The following FANCB variants were observed in gnomAD, a reference collection of about 807,000 sequenced individuals.
FANCB encodes FA complementation group B.
A neutral mutation model predicts 38.9 loss-of-function variants in FANCB; 5 were observed. That is an observed-to-expected ratio of 0.13 (90% confidence interval 0.07 to 0.27). The LOEUF (loss-of-function observed/expected upper bound fraction) is 0.27. FANCB is among the 10% of genes least tolerant of loss of function. FANCB has a pLI of 1.00. For missense variants in FANCB, 573 were observed against 602.7 expected, an observed-to-expected ratio of 0.95 and a Z score of 0.52; for synonymous variants, 236 against 215.4, an observed-to-expected ratio of 1.10 and a Z score of -0.84.
At chrX:14,832,545 A>G (rs1449412221), downstream of FANCB, among the ~76,000 whole-genome samples, 2 of 112,203 alleles carry the variant, frequency 1.8e-5, no homozygotes, top group South Asian at 3.7e-4. Context: ...AGTAGTAGCA[A>G]ACAGTAAAAT....
chrX:14,774,925 C>T, the FANCB span, among the ~76,000 whole-genome samples: 5 of 110,956 alleles, frequency 4.5e-5, no homozygotes, highest in South Asian at 3.8e-4. Context: ...CTCCGCCTCC[C>T]GGGTTCCTGC....
chrX:14,871,552 TA>T (rs941936588), intron 1 of FANCB, among the ~76,000 whole-genome samples: 1 of 110,720 alleles, frequency 9.0e-6, no homozygotes, highest in African/African-American at 3.3e-5. Context: ...TGAACACCAA[TA>T]GGGGAATGAG....
chrX:14,753,996 C>T, the FANCB span, among the ~76,000 whole-genome samples: 1 of 112,231 alleles, frequency 8.9e-6, no homozygotes, highest in African/African-American at 3.2e-5. Context: ...CCGCATTGCT[C>T]CAGAGAAGCC....
At chrX:14,838,855 T>C (rs2092347547), downstream of FANCB, among the ~76,000 whole-genome samples, 2 of 112,457 alleles carry the variant, frequency 1.8e-5, no homozygotes, top group South Asian at 3.6e-4. Flanking sequence ...AGCAATACTA[T>C]TGTATTTCCT....
At chrX:14,791,317 CA>C in the FANCB span, among the ~76,000 whole-genome samples, 3 of 111,352 alleles carry the variant, frequency 2.7e-5, no homozygotes, top group Non-Finnish European at 5.7e-5. Context: ...CGCATGTACA[CA>C]AGGAGAATGT....
chrX:14,722,803 A>C, the FANCB span, among the ~76,000 whole-genome samples: 1 of 111,573 alleles, frequency 9.0e-6, no homozygotes, highest in African/African-American at 3.3e-5. Context: ...AGCTGACCTA[A>C]ACCATGGCTA....
the FANCB span, among the ~76,000 whole-genome samples, chrX:14,793,413 T>C: frequency 8.9e-6 from 1 of 111,941 alleles, no homozygotes; most frequent in African/African-American, 3.2e-5. Context: ...TAGGGTTTCT[T>C]TAGGGGCAAT....
the FANCB span, among the ~76,000 whole-genome samples, chrX:14,753,025 ACAC>A: frequency 3.8e-5 from 4 of 105,880 alleles, no homozygotes; most frequent in Non-Finnish European, 5.8e-5. Flanking sequence ...ACACACACAC[ACAC>A]ATTAGTTTTT....
Position 14,843,805 on chromosome X carries a change from T to C in FANCB, c.2342A>G (p.Glu781Gly), listed in dbSNP as rs140363445. The C allele has an allele frequency of 1.1e-4, 138 of 1,209,332 alleles. No individual in the cohort carries two copies. Among genetic ancestry groups the C allele is most frequent in the Non-Finnish European group, 1.5e-4 (133 of 894,777 alleles). The change falls in exon 10 of 10, where the codon GAA becomes GGA. Residue 781 changes from glutamate to glycine, a missense_variant. Glu to Gly is a moderately conservative substitution (Grantham distance 98). Transcript: ENST00000650831. ...TTCACACCTCTGCATAAAATTGCTT[T>C]CATGTTTAGCTATGGCAGAAGAAAG... ...SSLSSAIAKH[E>G]SNFMQRCEVS...
chrX:14,794,699 G>A, the FANCB span, among the ~76,000 whole-genome samples: 1,055 of 112,090 alleles, frequency 9.4e-3, 18 homozygotes, highest in African/African-American at 0.033. Flanking sequence ...TGAAGCCTAT[G>A]CTTTTCCCTC....
At chrX:14,741,851 A>G in the FANCB span, among the ~76,000 whole-genome samples, 1 of 111,886 alleles carries the variant, frequency 8.9e-6, no homozygotes, top group Admixed American at 9.5e-5. Flanking sequence ...TTCCTGGGTT[A>G]GATTTTTTTA....
the FANCB span, among the ~76,000 whole-genome samples, chrX:14,774,902 G>A: frequency 1.8e-5 from 2 of 110,649 alleles, no homozygotes; most frequent in African/African-American, 3.3e-5. Flanking sequence ...GCACAATCTC[G>A]GCTCACTGCA....
In FANCB at chrX:14,846,072, G is replaced by A. The variant is rs919146233; in HGVS notation, c.1497-786C>T. 4.5e-5 allele frequency among the ~76,000 whole-genome samples: 5 copies of A among 111,945 alleles called. No individual in the cohort carries two copies. The Admixed American group carries it at 4.7e-4, about 11-fold the overall frequency. On this transcript the variant is annotated intron_variant, in intron 7 of 9. Coordinates refer to ENST00000650831, the MANE Select transcript of FANCB (RefSeq NM_001018113.3). ...CTTAATTTGCACTAATTGAACTATT[G>A]TTTTGTTGGGAATGCTGTTTTATGA... is the stretch of plus-strand genomic sequence containing the variant.
chrX:14,844,872 T>C lies in FANCB; in HGVS notation c.1911A>G (p.Pro637=). 1 of 1,205,611 alleles carries C rather than the reference T, an allele frequency of 8.3e-7. No individual in the cohort carries two copies. The highest frequency in any genetic ancestry group is 1.1e-6 in the Non-Finnish European group (1 of 892,689). Reference sequence around the variant, plus strand: ...CAAAATTACCTATAGGTTTCTTCTTTGGAAATGTCAGTAGGTACTTCCCAG... The same window carrying C: ...CAAAATTACCTATAGGTTTCTTCTTCGGAAATGTCAGTAGGTACTTCCCAG... ...LSTGKYLLTF[P]KKKPIEHMED... is the part of the protein sequence containing the mutation. Residue 637 remains proline, a synonymous_variant, in exon 8 of 10, where the codon CCA becomes CCG. Transcript: ENST00000650831.
At chrX:14,778,828 C>G in the FANCB span, among the ~76,000 whole-genome samples, 1 of 112,483 alleles carries the variant, frequency 8.9e-6, no homozygotes, top group Non-Finnish European at 1.9e-5. Context: ...ATAACACATG[C>G]CAAGCATATG....
chrX:14,795,826 C>A, the FANCB span, among the ~76,000 whole-genome samples: 1 of 111,623 alleles, frequency 9.0e-6, no homozygotes, highest in Non-Finnish European at 1.9e-5. Flanking sequence ...AAGAAAGAGA[C>A]ATCAATGCAA....
chrX:14,844,367 A>G (rs1222950978), intron 9 of FANCB, 136 bp downstream of exon 9: 2 of 522,564 alleles, frequency 3.8e-6, no homozygotes, highest in Admixed American at 3.0e-5. Context: ...CGATGCGTTC[A>G]TTCATGCTAG....
chrX:14,740,441 C>T, the FANCB span, among the ~76,000 whole-genome samples: 1 of 111,619 alleles, frequency 9.0e-6, no homozygotes, highest in African/African-American at 3.3e-5. Flanking sequence ...AGTGCTTAAA[C>T]ATGCCAAGCA....
chrX:14,720,401 A>ACT, the FANCB span, among the ~76,000 whole-genome samples: 1 of 112,155 alleles, frequency 8.9e-6, no homozygotes, highest in African/African-American at 3.2e-5. Context: ...TCTCAGGTTA[A>ACT]GCATTTTGGA....
Sources: gnomAD v4.1 joint callset for allele counts (sites outside exome capture counted in the v4.1 genomes callset) on GRCh38, gnomAD v4.1.1 for gene constraint, MANE v1.5 for transcripts, NCBI Gene and HGNC (gene_info 2026-07-23, HGNC 2026-07-21) for gene names.